Variants in PMEPA1 observed in about 807,000 individuals in gnomAD.
PMEPA1 encodes the protein prostate transmembrane protein, androgen induced 1, also known as protein TMEPAI.
A neutral mutation model predicts 23.0 loss-of-function variants in PMEPA1; 11 were observed. The observed-to-expected ratio is 0.48, with a 90% CI of 0.30 to 0.79. The LOEUF is 0.79. Ranked by LOEUF, PMEPA1 falls within the 30% of genes least tolerant of loss-of-function variation. PMEPA1 has a pLI of 0.06. For synonymous variants in PMEPA1, 204 were observed against 166.4 expected (o/e 1.23, Z -1.74); for missense variants, 377 against 390.9 (o/e 0.96, Z 0.30).
At chr20:57,701,198 T>A (rs1024332504) in intron 1 of PMEPA1, among the ~76,000 whole-genome samples, 1 of 152,184 alleles carries the variant, frequency 6.6e-6, no homozygotes, top group African/African-American at 2.4e-5. Flanking sequence ...CATATTAGAA[T>A]GTGCTGGAGC....
chr20:57,690,508 C>T (rs913285792), intron 1 of PMEPA1: 4 of 1,299,950 alleles, frequency 3.1e-6, no homozygotes, highest in South Asian at 2.5e-5. Flanking sequence ...AAGAGCCATG[C>T]TATTTTTATT....
chr20:57,681,718 G>A (rs1197807159), intron 1 of PMEPA1, among the ~76,000 whole-genome samples: 1 of 152,090 alleles, frequency 6.6e-6, no homozygotes, highest in African/African-American at 2.4e-5. Context: ...ACTTGTGTAC[G>A]CTTTAGTCAC....
chr20:57,710,594 A>G (rs2072166604), upstream of PMEPA1: 2 of 905,780 alleles, frequency 2.2e-6, no homozygotes, highest in Non-Finnish European at 3.3e-6. Context: ...TCGCGTAGAC[A>G]CGCCCGGAAG....
chr20:57,673,913 G>A (rs897728074), intron 1 of PMEPA1, among the ~76,000 whole-genome samples: 9 of 152,140 alleles, frequency 5.9e-5, no homozygotes, highest in African/African-American at 2.2e-4. Context: ...GACCCCAAGA[G>A]CAAATGGGGC....
rs139676727 is a variant in PMEPA1, at chr20:57,693,540, T to C, written c.109+15934A>G. On this transcript the variant is annotated intron_variant, in intron 1 of 3. Coordinates refer to ENST00000341744, the MANE Select transcript of PMEPA1 (RefSeq NM_020182.5). ...GCGGCCAGCAGGTGGCAGGTGTAAC[T>C]GCAAGGCCTGGGGCTGGGACACACC... Among the ~76,000 whole-genome samples the C allele has an allele frequency of 2.3e-3, 356 of 152,346 alleles. 2 individuals are homozygous for C. The highest frequency in any genetic ancestry group is 4.3e-3 in the South Asian group (21 of 4,832).
chr20:57,684,318 C>A (rs2071769996), intron 1 of PMEPA1, among the ~76,000 whole-genome samples: 1 of 151,970 alleles, frequency 6.6e-6, no homozygotes, highest in African/African-American at 2.4e-5. Context: ...AGGGTGACTT[C>A]TCTCCACCCC....
chr20:57,683,554 C>CGTGCGTGTGT lies in PMEPA1; in HGVS notation c.110-23858_110-23857insACACACGCAC, dbSNP rs2071752507. On this transcript the variant is annotated intron_variant, in intron 1 of 3. Transcript: ENST00000341744. The surrounding 1 kb of genome is among the most constrained non-coding windows in gnomAD (Gnocchi z 4.3). ...CGGTGGTGGTGTTCTGGCCTGTGTG[C>CGTGCGTGTGT]GTGTGTGTGTGTGTGTGTGTGTGTG... Among the ~76,000 whole-genome samples, 24 of 106,426 alleles carry CGTGCGTGTGT rather than the reference C, an allele frequency of 2.3e-4. No homozygotes were observed. The highest frequency in any genetic ancestry group is 6.3e-4 in the African/African-American group (24 of 38,248). 69.8% of individuals were successfully genotyped at this position (106,426 alleles called of 152,430 possible).
intron 1 of PMEPA1, among the ~76,000 whole-genome samples, chr20:57,665,067 G>A (rs2071473812): frequency 1.3e-5 from 2 of 152,170 alleles, no homozygotes; most frequent in Admixed American, 1.3e-4. Context: ...GTGACCACAG[G>A]ACACATTGCC....
At chr20:57,661,097 C>T (rs774881975) in intron 1 of PMEPA1, among the ~76,000 whole-genome samples, 4 of 152,226 alleles carry the variant, frequency 2.6e-5, no homozygotes, top group South Asian at 2.1e-4. Flanking sequence ...CAGATGGCTG[C>T]GGATGTTGCC....
At chr20:57,681,595 G>A (rs145076492) in intron 1 of PMEPA1, among the ~76,000 whole-genome samples, 17 of 152,230 alleles carry the variant, frequency 1.1e-4, no homozygotes, top group South Asian at 2.1e-4. Context: ...AACCATTGTC[G>A]TTTCACGTTC....
intron 1 of PMEPA1, chr20:57,699,925 C>T (rs951242007): frequency 1.2e-5 from 5 of 425,774 alleles, no homozygotes; most frequent in South Asian, 6.8e-5. Context: ...GCACATGTTT[C>T]GACAGTCCGC....
chr20:57,710,582 A>G, upstream of PMEPA1: 1 of 1,007,436 alleles, frequency 9.9e-7, no homozygotes, highest in East Asian at 3.0e-5. Flanking sequence ...AAAGACGGGA[A>G]CTCGCGTAGA....
intron 1 of PMEPA1, among the ~76,000 whole-genome samples, chr20:57,695,054 C>A (rs555659130): frequency 2.3e-4 from 35 of 152,208 alleles, no homozygotes; most frequent in Non-Finnish European, 5.9e-5. Flanking sequence ...AGCAGCCATG[C>A]CCCAAGCCCA....
chr20:57,649,058 G>C lies in PMEPA1; in HGVS notation c.*2995C>G, dbSNP rs2146626699. Reference sequence around the variant, plus strand: ...ATAATTTTCCTCCTCTGGAGGAAAGGTGGTGATTGACAGGCAGGGAGACAG... The same window carrying C: ...ATAATTTTCCTCCTCTGGAGGAAAGCTGGTGATTGACAGGCAGGGAGACAG... On this transcript the variant is annotated 3_prime_UTR_variant, in exon 4 of 4. Coordinates refer to ENST00000341744, the MANE Select transcript of PMEPA1 (RefSeq NM_020182.5). The C allele has an allele frequency of 6.6e-6, 1 of 152,236 alleles. No individual in the cohort carries two copies. Among genetic ancestry groups the C allele is most frequent in the South Asian group, 2.1e-4 (1 of 4,814 alleles). 9.4% of individuals were successfully genotyped at this position (152,236 alleles called of 1,614,324 possible). A position where few individuals can be genotyped will look rare whatever the true frequency, so the allele number is the denominator to read the frequency against.
intron 2 of PMEPA1, among the ~76,000 whole-genome samples, chr20:57,653,447 C>T (rs79628626): frequency 0.049 from 7,462 of 152,328 alleles, 352 homozygotes; most frequent in African/African-American, 0.12. Context: ...ACCCCTGGCC[C>T]CACTCCCCTG....
chr20:57,699,746 C>T (rs2146709026), intron 1 of PMEPA1, among the ~76,000 whole-genome samples: 1 of 152,344 alleles, frequency 6.6e-6, no homozygotes, highest in African/African-American at 2.4e-5. Flanking sequence ...CTGCCGAGGA[C>T]ATGGCCTGGA....
At chr20:57,695,936 T>G (rs1031833171) in intron 1 of PMEPA1, among the ~76,000 whole-genome samples, 3 of 152,148 alleles carry the variant, frequency 2.0e-5, no homozygotes, top group Admixed American at 6.5e-5. Flanking sequence ...TGAGAACCAC[T>G]GCATTTTGAA....
chr20:57,709,767 G>A lies in PMEPA1; in HGVS notation c.-185C>T. ...GCCGCGGGGCTCAGTGCGCGGGACC[G>A]CGCTCCGCTGCGCCCCCCCGGCCTC... On this transcript the variant is annotated 5_prime_UTR_variant, in exon 1 of 4. Transcript: ENST00000341744. 2.0e-6 allele frequency: 2 copies of A among 980,994 alleles called. No individual in the cohort carries two copies. Among genetic ancestry groups the A allele is most frequent in the Non-Finnish European group, 2.4e-6 (2 of 827,856 alleles). The allele number at this position is 980,994 out of a possible 1,614,324, so 60.8% of individuals were successfully genotyped here.
chr20:57,683,663 G>A lies in PMEPA1; in HGVS notation c.110-23966C>T, dbSNP rs1271356007. On this transcript the variant is annotated intron_variant, in intron 1 of 3. Coordinates refer to ENST00000341744, the MANE Select transcript of PMEPA1 (RefSeq NM_020182.5). The surrounding 1 kb of genome is among the most constrained non-coding windows in gnomAD (Gnocchi z 4.3). ...AAGATGCTGTAATTATGAGAGAGCA[G>A]AAAGAACCCCCGAATGACTGTATAA... Among the ~76,000 whole-genome samples, 1 of 151,848 alleles carries A rather than the reference G, an allele frequency of 6.6e-6. No homozygotes were observed. The highest frequency in any genetic ancestry group is 1.5e-5 in the Non-Finnish European group (1 of 67,990).
Sources: gnomAD v4.1 joint callset for allele counts (sites outside exome capture counted in the v4.1 genomes callset) on GRCh38, gnomAD v4.1.1 for gene constraint, Gnocchi (gnomAD v3.1) non-coding constraint, MANE v1.5 for transcripts, NCBI Gene and HGNC (gene_info 2026-07-23, HGNC 2026-07-21) for gene names.